TKFC: variants seen among roughly 807,000 people sequenced by gnomAD.
TKFC encodes triokinase/FMN cyclase.
In TKFC, 46 loss-of-function variants were observed where a neutral mutation model predicts 61.0. The ratio of observed to expected loss-of-function variants is 0.75; its 90% CI spans 0.60 to 0.96. The LOEUF (loss-of-function observed/expected upper bound fraction) is 0.96, where lower values mean the gene tolerates loss of function less well. Among genes scored for constraint, TKFC ranks in the 50% least tolerant of loss-of-function variants. TKFC has a pLI of 0.00. For synonymous variants in TKFC, 314 were observed against 330.1 expected (o/e 0.95, Z 0.53); for missense variants, 715 against 777.5 (o/e 0.92, Z 0.96).
chr11:61,339,041 C>T, intron 3 of TKFC, 25 bp from the exon 4 acceptor site: 3 of 1,602,146 alleles, frequency 1.9e-6, no homozygotes, highest in Non-Finnish European at 2.6e-6. Context: ...ACCCAGCATG[C>T]TCACTCCACT....
chr11:61,338,227 C>A, intron 3 of TKFC, 97 bp downstream of exon 3: 1 of 1,242,706 alleles, frequency 8.0e-7, no homozygotes, highest in Non-Finnish European at 1.1e-6. Context: ...TGGAGCTCAG[C>A]CCAGAATCAG....
downstream of TKFC, chr11:61,351,139 G>A (rs927904541): frequency 9.3e-6 from 15 of 1,607,548 alleles, no homozygotes; most frequent in Non-Finnish European, 1.3e-5. Flanking sequence ...TGGCCTGGTG[G>A]TGTTTTTCCT....
At chr11:61,345,387 G>C in intron 14 of TKFC, 21 bp downstream of exon 14, 1 of 1,598,484 alleles carries the variant, frequency 6.3e-7, no homozygotes, top group Non-Finnish European at 8.6e-7. Flanking sequence ...GGGGGCTGAA[G>C]GGCTGACAGG....
chr11:61,339,383 T>C lies in TKFC; in HGVS notation c.434T>C (p.Val145Ala), dbSNP rs760571222. 1 of 1,613,476 alleles carries C rather than the reference T, an allele frequency of 6.2e-7. No individual in the cohort carries two copies. Among genetic ancestry groups the C allele is most frequent in the Non-Finnish European group, 8.5e-7 (1 of 1,179,968 alleles). Residue 145 changes from valine to alanine, a missense_variant, in exon 5 of 18, where the codon GTC becomes GCC. Transcript: ENST00000394900. ...VVIGDDSAFT[V>A]LKKAGRRGLC... ...ATTGGGGACGACAGCGCCTTCACTG[T>C]CCTGAAGAAGGCAGGCCGGCGGGGG...
In TKFC at chr11:61,341,468, G is replaced by A; in HGVS notation, c.519G>A (p.Gly173=). Reference sequence around the variant, plus strand: ...GTGCTCTGGCTGAGGCTGGTGTGGGGCTGGAGGAGATCGCAAAGCAGGTGA... The same window carrying A: ...GTGCTCTGGCTGAGGCTGGTGTGGGACTGGAGGAGATCGCAAAGCAGGTGA... ...VAGALAEAGV[G]LEEIAKQVNV... Residue 173 remains glycine, a synonymous_variant, in exon 6 of 18, where the codon GGG becomes GGA. Transcript: ENST00000394900. 1.3e-6 allele frequency: 2 copies of A among 1,555,050 alleles called. No homozygotes were observed. Among genetic ancestry groups the A allele is most frequent in the East Asian group, 2.4e-5 (1 of 41,276 alleles).
At chr11:61,340,231 C>T (rs1424490996) in intron 5 of TKFC, among the ~76,000 whole-genome samples, 2 of 152,000 alleles carry the variant, frequency 1.3e-5, no homozygotes, top group Non-Finnish European at 2.9e-5. Flanking sequence ...AGGCTGGCCT[C>T]GAACTCCTGA....
intron 2 of TKFC, among the ~76,000 whole-genome samples, chr11:61,335,157 G>T (rs1856554327): frequency 6.6e-6 from 1 of 152,158 alleles, no homozygotes. Context: ...CATGTCCCTG[G>T]GCTTTGCTCC....
In TKFC at chr11:61,348,211, C is replaced by T; in HGVS notation, c.*1708C>T. ...TGGCTGGGTGACCTCAACCTAGTCA[C>T]CCTTTTTGAGTCTTGTTTTCTCAGA... On this transcript the variant is annotated 3_prime_UTR_variant, in exon 18 of 18. Transcript: ENST00000394900. The T allele has an allele frequency of 1.0e-6, 1 of 985,432 alleles. No individual in the cohort carries two copies. The highest frequency in any genetic ancestry group is 1.2e-6 in the Non-Finnish European group (1 of 829,934). 61.0% of individuals were successfully genotyped at this position (985,432 alleles called of 1,614,324 possible).
chr11:61,346,684 G>A lies in TKFC; in HGVS notation c.*181G>A. The A allele has an allele frequency of 7.1e-7, 1 of 1,405,976 alleles. No individual in the cohort carries two copies. The highest frequency in any genetic ancestry group is 9.2e-7 in the Non-Finnish European group (1 of 1,082,322). The allele number at this position is 1,405,976 out of a possible 1,614,324, so 87.1% of individuals were successfully genotyped here. On this transcript the variant is annotated 3_prime_UTR_variant, in exon 18 of 18. Transcript: ENST00000394900. The surrounding 1 kb of genome is among the most constrained non-coding windows in gnomAD (Gnocchi z 4.1). Reference sequence around the variant, plus strand: ...GAACTACAGACAGCACCCAGAGTGAGCTGGAGTGGGTCCCCATGCCTCTCC... The same window carrying A: ...GAACTACAGACAGCACCCAGAGTGAACTGGAGTGGGTCCCCATGCCTCTCC...
intron 13 of TKFC, among the ~76,000 whole-genome samples, 167 bp from the exon 14 acceptor site, chr11:61,345,093 C>T (rs1194533565): frequency 2.0e-5 from 3 of 152,228 alleles, no homozygotes; most frequent in Non-Finnish European, 4.4e-5. Context: ...CTTTCGGTTA[C>T]GCAGCCCAGC....
At chr11:61,350,441 G>A (rs748323589), downstream of TKFC, 4 of 1,610,880 alleles carry the variant, frequency 2.5e-6, no homozygotes, top group South Asian at 2.2e-5. Context: ...AGAGGCAGAT[G>A]CCCAGGAGTT....
At chr11:61,344,734 G>A (rs1857033689) in intron 13 of TKFC, among the ~76,000 whole-genome samples, 1 of 152,198 alleles carries the variant, frequency 6.6e-6, no homozygotes, top group African/African-American at 2.4e-5. Context: ...CCTTCACAGT[G>A]AATAACTTAC....
At chr11:61,336,521 T>G (rs1856613473) in intron 2 of TKFC, 1 of 152,130 alleles carries the variant, frequency 6.6e-6, no homozygotes, top group African/African-American at 2.4e-5. Context: ...AAAAAGGGAG[T>G]AGCTTCATTT....
chr11:61,351,094 T>C (rs545570686), downstream of TKFC: 14 of 1,613,886 alleles, frequency 8.7e-6, no homozygotes, highest in Non-Finnish European at 1.2e-5. Flanking sequence ...CCCGGTGCTG[T>C]TGGCAAAGAC....
At chr11:61,343,738 CCCTT>C in intron 11 of TKFC, 114 bp from the exon 12 acceptor site, 1 of 1,432,888 alleles carries the variant, frequency 7.0e-7, no homozygotes, top group Middle Eastern at 1.8e-4. Flanking sequence ...GAGGTGGACT[CCCTT>C]CCTCCAGGGC....
intron 2 of TKFC, 121 bp downstream of exon 2, chr11:61,334,852 G>A (rs1409814913): frequency 2.7e-5 from 39 of 1,431,928 alleles, no homozygotes; most frequent in Non-Finnish European, 3.5e-5. Context: ...TGAGGCTCAC[G>A]GGTGAAGAGA....
At position 61,346,540 on chromosome 11, in the gene TKFC, A is replaced by T. The variant is rs568356170; in HGVS notation, c.*37A>T. 10 of 1,522,278 alleles carry T rather than the reference A, an allele frequency of 6.6e-6. No homozygotes were observed. Among genetic ancestry groups the T allele is most frequent in the Non-Finnish European group, 8.8e-6 (10 of 1,134,994 alleles). The allele number at this position is 1,522,278 out of a possible 1,614,324, so 94.3% of individuals were successfully genotyped here. Reference sequence around the variant, plus strand: ...GCCTCCCTTGGCCTCAGCTCCTCTCACTGCTGTGCTGAGGTGGCCTTTGTC... The same window carrying T: ...GCCTCCCTTGGCCTCAGCTCCTCTCTCTGCTGTGCTGAGGTGGCCTTTGTC... On this transcript the variant is annotated 3_prime_UTR_variant, in exon 18 of 18. Transcript: ENST00000394900. This position sits in a 1 kb window ranked among gnomAD's most constrained non-coding sequence, Gnocchi z 4.1.
Position 61,343,961 on chromosome 11 carries a change from C to A in TKFC, c.1088C>A (p.Ser363Tyr), listed in dbSNP as rs757027470. 28 of 1,611,386 alleles carry A rather than the reference C, an allele frequency of 1.7e-5. No homozygotes were observed. The highest frequency in any genetic ancestry group is 2.2e-5 in the Non-Finnish European group (26 of 1,179,968). ...GCCGAGCCCCAGGAGGCCCCTGATT[C>A]CACTGCTGCAGGAGGTACCAACCCC... ...APAEPQEAPD[S>Y]TAAGGSASKR... Residue 363 changes from serine to tyrosine, a missense_variant, in exon 12 of 18, where the codon TCC becomes TAC. By Grantham distance (144) the Ser-to-Tyr change is moderately radical (BLOSUM62 -2). Transcript: ENST00000394900.
In TKFC at chr11:61,348,061, T is replaced by G; in HGVS notation, c.*1558T>G. 6.1e-6 allele frequency: 6 copies of G among 985,434 alleles called. No homozygotes were observed. Among genetic ancestry groups the G allele is most frequent in the Non-Finnish European group, 7.2e-6 (6 of 829,936 alleles). The allele number at this position is 985,434 out of a possible 1,614,324, so 61.0% of individuals were successfully genotyped here. ...GCCTGGGCTTCTCTACCCAGGGTCC[T>G]GTCTGTCGGCTGCACCATACGTCCC... On this transcript the variant is annotated 3_prime_UTR_variant, in exon 18 of 18. Coordinates refer to ENST00000394900, the MANE Select transcript of TKFC (RefSeq NM_015533.4).
Sources: allele counts gnomAD v4.1 joint callset (sites outside exome capture counted in the v4.1 genomes callset), GRCh38; gene constraint gnomAD v4.1.1; non-coding constraint Gnocchi (gnomAD v3.1); transcripts MANE v1.5; gene names NCBI Gene and HGNC (gene_info 2026-07-23, HGNC 2026-07-21).